MTUS2: variants seen among roughly 807,000 people sequenced by gnomAD.
MTUS2 encodes microtubule-associated tumor suppressor candidate 2.
Under a neutral mutation model 114.1 loss-of-function variants are expected in MTUS2, and 40 were observed. The ratio of observed to expected loss-of-function variants is 0.35; its 90% CI spans 0.27 to 0.46. The LOEUF (loss-of-function observed/expected upper bound fraction) is 0.46, where lower values mean the gene tolerates loss of function less well. Among genes scored for constraint, MTUS2 ranks in the 20% least tolerant of loss-of-function variants. MTUS2 has a pLI of 1.00. For synonymous variants in MTUS2, 688 were observed against 672.0 expected (o/e 1.02, Z -0.37); for missense variants, 1,679 against 1,705.4 (o/e 0.98, Z 0.27).
chr13:28,887,749 T>C (rs1035938402), intron 2 of MTUS2, among the ~76,000 whole-genome samples: 9 of 152,088 alleles, frequency 5.9e-5, no homozygotes, highest in African/African-American at 2.2e-4. Flanking sequence ...GAGGTCTGCT[T>C]TAGGACCTTT....
chr13:28,820,991 C>T (rs1357930560), intron 1 of MTUS2, among the ~76,000 whole-genome samples: 1 of 152,034 alleles, frequency 6.6e-6, no homozygotes, highest in Non-Finnish European at 1.5e-5. Flanking sequence ...AGCAGTGAAG[C>T]GGCTTGCTAC....
intron 7 of MTUS2, among the ~76,000 whole-genome samples, chr13:29,355,572 G>A (rs1869668340): frequency 6.6e-6 from 1 of 152,224 alleles, no homozygotes; most frequent in Non-Finnish European, 1.5e-5. Context: ...ACAGGACAAT[G>A]GATTGCCTGA....
At position 29,333,775 on chromosome 13, in the gene MTUS2, T is replaced by C. The variant is rs143909861; in HGVS notation, c.2905+9064T>C. On this transcript the variant is annotated intron_variant, in intron 7 of 15. Transcript: ENST00000612955. ...TTCTGTCTCATTGATCTGTCTAATA[T>C]TGACAGTGGGGTGTCAAAGTCTCCC... 2.9e-3 allele frequency among the ~76,000 whole-genome samples: 441 copies of C among 152,268 alleles called. 3 individuals are homozygous for C. The highest frequency in any genetic ancestry group is 5.1e-3 in the Non-Finnish European group (350 of 68,018).
At chr13:29,065,884 G>A (rs9579277) in intron 4 of MTUS2, among the ~76,000 whole-genome samples, 45 of 152,186 alleles carry the variant, frequency 3.0e-4, no homozygotes, top group Non-Finnish European at 4.9e-4. Context: ...ATAGGGCCTG[G>A]CATTCAGAAT....
intron 5 of MTUS2, among the ~76,000 whole-genome samples, chr13:29,182,061 G>T (rs1894028538): frequency 2.6e-5 from 4 of 152,020 alleles, no homozygotes; most frequent in East Asian, 3.9e-4. Flanking sequence ...TTCTCCCTTG[G>T]ATGCCCCTCC....
chr13:29,132,327 A>T (rs1477060183), intron 5 of MTUS2, among the ~76,000 whole-genome samples: 1 of 152,190 alleles, frequency 6.6e-6, no homozygotes, highest in Non-Finnish European at 1.5e-5. Flanking sequence ...AAACCTAATT[A>T]AGCTTTCTAT....
At chr13:28,913,275 G>A (rs986462240) in intron 2 of MTUS2, among the ~76,000 whole-genome samples, 1 of 152,088 alleles carries the variant, frequency 6.6e-6, no homozygotes, top group African/African-American at 2.4e-5. Flanking sequence ...TTATTACTTT[G>A]AGGTATGTTC....
At chr13:29,422,872 T>C (rs914619611) in intron 8 of MTUS2, among the ~76,000 whole-genome samples, 5 of 152,130 alleles carry the variant, frequency 3.3e-5, no homozygotes, top group Non-Finnish European at 5.9e-5. Context: ...CCTCAGGTGA[T>C]ACCTGCCTTG....
rs375447131 is a variant in MTUS2 at position 28,932,016 on chromosome 13, C to A, written c.-243+92166C>A. On this transcript the variant is annotated intron_variant, in intron 2 of 15. Transcript: ENST00000612955. ...GTATTATAAGTACTGCAGGTCACCT[C>A]TGTGGTGAATATGCATACATTCCCA... Among the ~76,000 whole-genome samples the A allele has an allele frequency of 1.8e-4, 27 of 152,300 alleles. No individual in the cohort carries two copies. In the South Asian group the frequency reaches 3.7e-3, roughly 21 times the overall value.
intron 5 of MTUS2, among the ~76,000 whole-genome samples, chr13:29,187,123 G>A (rs1180492921): frequency 6.6e-6 from 1 of 151,674 alleles, no homozygotes; most frequent in Non-Finnish European, 1.5e-5. Context: ...GTGCTTACAG[G>A]GATATACCTG....
intron 5 of MTUS2, chr13:29,239,717 G>C (rs911851347): frequency 1.3e-5 from 2 of 152,198 alleles, no homozygotes; most frequent in African/African-American, 4.8e-5. Context: ...TGAGGGAGAT[G>C]CAATAGCTGC....
intron 5 of MTUS2, among the ~76,000 whole-genome samples, chr13:29,210,133 T>C (rs1423138748): frequency 6.6e-6 from 1 of 152,048 alleles, no homozygotes; most frequent in African/African-American, 2.4e-5. Flanking sequence ...AAATTCTTTT[T>C]TCTTTGTCTT....
chr13:29,286,939 T>C (rs761091043), intron 6 of MTUS2, among the ~76,000 whole-genome samples: 15 of 152,196 alleles, frequency 9.9e-5, no homozygotes, highest in Admixed American at 3.3e-4. Flanking sequence ...CTGCCCGCCT[T>C]GGCCTCCCAA....
At chr13:29,219,531 C>A (rs1052835358) in intron 5 of MTUS2, among the ~76,000 whole-genome samples, 3 of 152,106 alleles carry the variant, frequency 2.0e-5, no homozygotes, top group Non-Finnish European at 2.9e-5. Context: ...AGTTCTAGAT[C>A]CCTGCATTCA....
At chr13:29,491,035 TTGTG>T (rs138765532) in intron 11 of MTUS2, among the ~76,000 whole-genome samples, 1,100 of 109,590 alleles carry the variant, frequency 0.01, 15 homozygotes, top group African/African-American at 0.032. Context: ...GGATGCGGGT[TTGTG>T]TGTGTGTGTG....
chr13:29,167,915 A>C (rs1893386403), intron 5 of MTUS2, among the ~76,000 whole-genome samples: 2 of 152,212 alleles, frequency 1.3e-5, no homozygotes, highest in African/African-American at 4.8e-5. Context: ...ATACTGAAAT[A>C]AATAGGAGTA....
At chr13:29,020,848 G>GA (rs11307768) in intron 2 of MTUS2, among the ~76,000 whole-genome samples, 33 of 146,604 alleles carry the variant, frequency 2.3e-4, no homozygotes, top group East Asian at 8.1e-4. Flanking sequence ...CAGGACGTGG[G>GA]AAAAAAAAAA....
In MTUS2 at chr13:29,100,875, C is replaced by A. The variant is rs777823437; in HGVS notation, c.2549C>A (p.Ala850Glu). Residue 850 changes from alanine to glutamate, a missense_variant, in exon 5 of 16, where the codon GCG becomes GAG. Ala to Glu is a moderately radical substitution (Grantham distance 107). Coordinates refer to ENST00000612955, the MANE Select transcript of MTUS2 (RefSeq NM_001033602.4). ...TCACGTCTCCCGGCAGCCAAACTGG[C>A]GGCATTTGGCTTTGTCCGGAGCTCC... is the stretch of plus-strand genomic sequence containing the variant. ...GYSRLPAAKL[A>E]AFGFVRSSSV... 3 of 1,560,132 alleles carry A rather than the reference C, an allele frequency of 1.9e-6. No individual in the cohort carries two copies. The highest frequency in any genetic ancestry group is 1.4e-5 in the African/African-American group (1 of 73,644).
At chr13:28,857,831 C>T (rs1876731806) in intron 2 of MTUS2, among the ~76,000 whole-genome samples, 1 of 152,186 alleles carries the variant, frequency 6.6e-6, no homozygotes, top group Non-Finnish European at 1.5e-5. Flanking sequence ...CAGCATTACC[C>T]ATCATCATCT....
Sources: allele counts gnomAD v4.1 joint callset (sites outside exome capture counted in the v4.1 genomes callset), GRCh38; gene constraint gnomAD v4.1.1; transcripts MANE v1.5; gene names NCBI Gene and HGNC (gene_info 2026-07-23, HGNC 2026-07-21).